The following BROX variants were observed in gnomAD, a reference collection of about 807,000 sequenced individuals.
BROX encodes BRO1 domain and CAAX motif containing, also known as BRO1 domain-containing protein BROX.
A neutral mutation model predicts 61.0 loss-of-function variants in BROX; 53 were observed. The observed-to-expected ratio is 0.87, with a 90% CI of 0.70 to 1.09. BROX has a LOEUF of 1.09. Ranked by LOEUF, BROX falls within the 50% of genes least tolerant of loss-of-function variation. BROX has a pLI of 0.00. For synonymous variants in BROX, 152 were observed against 160.2 expected, an observed-to-expected ratio of 0.95 and a Z score of 0.38; for missense variants, 489 against 472.0, an observed-to-expected ratio of 1.04 and a Z score of -0.33.
intron 4 of BROX, among the ~76,000 whole-genome samples, chr1:222,719,663 G>A (rs185791396): frequency 2.0e-5 from 3 of 152,268 alleles, no homozygotes; most frequent in Admixed American, 2.0e-4. Flanking sequence ...CTGACATTCC[G>A]TATGTGCCTA....
intron 8 of BROX, 143 bp from the exon 9 acceptor site, chr1:222,728,600 A>G (rs952036467): frequency 5.2e-5 from 25 of 478,116 alleles, no homozygotes; most frequent in Middle Eastern, 5.8e-4. Context: ...AATCAAGTAA[A>G]GGTGTTTTTA....
At chr1:222,724,835 C>A (rs911572399) in intron 6 of BROX, among the ~76,000 whole-genome samples, 1 of 152,064 alleles carries the variant, frequency 6.6e-6, no homozygotes, top group African/African-American at 2.4e-5. Context: ...TGCACTGTCG[C>A]CCGGGCTGGA....
In BROX at chr1:222,724,179, C is replaced by A; in HGVS notation, c.474+15C>A. ...AACATTTAAAGGTAAAACAAACAAA[C>A]AAAAACCATTATTTGTTCTTAATGC... On this transcript the variant is annotated intron_variant, in intron 6 of 12. Transcript: ENST00000340934. The A allele has an allele frequency of 6.3e-7, 1 of 1,583,986 alleles. No homozygotes were observed. Among genetic ancestry groups the A allele is most frequent in the Admixed American group, 1.8e-5 (1 of 55,708 alleles).
At chr1:222,717,715 C>T (rs1037526269) in intron 2 of BROX, 2 of 152,216 alleles carry the variant, frequency 1.3e-5, no homozygotes, top group Non-Finnish European at 2.9e-5. Flanking sequence ...CAATAAGACT[C>T]AAGGGATATA....
At chr1:222,724,540 T>C (rs1051464876) in intron 6 of BROX, among the ~76,000 whole-genome samples, 3 of 152,146 alleles carry the variant, frequency 2.0e-5, no homozygotes, top group Admixed American at 6.5e-5. Flanking sequence ...AACTTCTGAG[T>C]GTATGCTCTG....
chr1:222,726,599 C>T lies in BROX; in HGVS notation c.581-569C>T, dbSNP rs565639830. Among the ~76,000 whole-genome samples, 60 of 152,270 alleles carry T rather than the reference C, an allele frequency of 3.9e-4. No homozygotes were observed. In the South Asian group the frequency reaches 0.012, roughly 31 times the overall value. On this transcript the variant is annotated intron_variant, in intron 7 of 12. Transcript: ENST00000340934. Reference sequence around the variant, plus strand: ...GGGCATGGTGGCGTATGCCTGCAATCCCAGCTACTCAGGAGGCTGAGGCAG... The same window carrying T: ...GGGCATGGTGGCGTATGCCTGCAATTCCAGCTACTCAGGAGGCTGAGGCAG...
chr1:222,728,452 A>G (rs1160311779), intron 8 of BROX, among the ~76,000 whole-genome samples: 1 of 152,132 alleles, frequency 6.6e-6, no homozygotes, highest in African/African-American at 2.4e-5. Context: ...TAACGGTATA[A>G]ACAGTATTCA....
chr1:222,724,480 C>T lies in BROX; in HGVS notation c.474+316C>T, dbSNP rs536714286. 9.8e-5 allele frequency among the ~76,000 whole-genome samples: 15 copies of T among 152,296 alleles called. No homozygotes were observed. The South Asian group carries it at 2.9e-3, about 29-fold the overall frequency. On this transcript the variant is annotated intron_variant, in intron 6 of 12. Coordinates refer to ENST00000340934, the MANE Select transcript of BROX (RefSeq NM_144695.4). Reference sequence around the variant, plus strand: ...AAGTATTGATGGTTCTTACCTACCTCATTGCTCTCCACAGAAGTTACCAGG... The same window carrying T: ...AAGTATTGATGGTTCTTACCTACCTTATTGCTCTCCACAGAAGTTACCAGG...
chr1:222,713,432 G>T (rs1656234925), intron 1 of BROX: 6 of 985,566 alleles, frequency 6.1e-6, no homozygotes, highest in Non-Finnish European at 7.2e-6. Flanking sequence ...TTCCTCTGGG[G>T]ACTCGGGGCT....
intron 1 of BROX, among the ~76,000 whole-genome samples, chr1:222,714,699 CCCT>C (rs1571957352): frequency 6.6e-6 from 1 of 151,938 alleles, no homozygotes; most frequent in Non-Finnish European, 1.5e-5. Context: ...AGGGGATCCT[CCCT>C]CCTCAGTCTT....
At chr1:222,713,056 G>A in intron 1 of BROX, 114 bp downstream of exon 1, 1 of 1,048,458 alleles carries the variant, frequency 9.5e-7, no homozygotes, top group South Asian at 2.7e-5. Flanking sequence ...CCTGGACAGT[G>A]GACCAAAAGT....
rs376837737 is a variant in BROX, at chr1:222,729,633, A to T, written c.770A>T (p.His257Leu). ...CFYTAYAYCY[H>L]GETLLASDKC... ...TTATTTCATCAGGCTTACTGTTACC[A>T]TGGTGAGACTTTATTGGCTAGTGAT... The change falls in exon 10 of 13, where the codon CAT (histidine) becomes CTT (leucine). Residue 257 changes from histidine to leucine, a missense_variant. His to Leu is a moderately conservative substitution (Grantham distance 99). Coordinates refer to ENST00000340934, the MANE Select transcript of BROX (RefSeq NM_144695.4). 3 of 1,613,000 alleles carry T rather than the reference A, an allele frequency of 1.9e-6. No homozygotes were observed. Among genetic ancestry groups the T allele is most frequent in the East Asian group, 4.5e-5 (2 of 44,794 alleles).
rs1183840691 is a variant in BROX, at chr1:222,734,172, TCTC to T, written c.*1461_*1463del. 1 of 152,210 alleles carries T rather than the reference TCTC, an allele frequency of 6.6e-6. No homozygotes were observed. Among genetic ancestry groups the T allele is most frequent in the African/African-American group, 2.4e-5 (1 of 41,454 alleles). 9.4% of individuals were successfully genotyped at this position (152,210 alleles called of 1,614,324 possible). A position where few individuals can be genotyped will look rare whatever the true frequency, so the allele number is the denominator to read the frequency against. On this transcript the variant is annotated 3_prime_UTR_variant, in exon 13 of 13. Coordinates refer to ENST00000340934, the MANE Select transcript of BROX (RefSeq NM_144695.4). Reference sequence around the variant, plus strand: ...ATCTGTAGGTTTATCTTTTGATTATTCTCCTGAGGCATTAGATAGTTTTTCTAT... The same window carrying T: ...ATCTGTAGGTTTATCTTTTGATTATTCTGAGGCATTAGATAGTTTTTCTAT...
chr1:222,726,483 G>A (rs553659708), intron 7 of BROX, among the ~76,000 whole-genome samples: 8 of 152,238 alleles, frequency 5.3e-5, no homozygotes, highest in Non-Finnish European at 7.4e-5. Flanking sequence ...TTGGGTGGCC[G>A]AGGCAGGCAG....
rs914086597 is a variant in BROX at position 222,728,765 on chromosome 1, G to A, written c.693G>A (p.Glu231=). 2.5e-6 allele frequency: 4 copies of A among 1,601,810 alleles called. No homozygotes were observed. Among genetic ancestry groups the A allele is most frequent in the Non-Finnish European group, 1.7e-6 (2 of 1,171,160 alleles). ...QKADHTLSSL[E]PAYSAKWRKY... ...TAGATCATACTTTATCCAGTTTGGAGCCTGCATATTCTGCCAAATGGAGAA... is the reference window on the plus strand; with the variant it reads ...TAGATCATACTTTATCCAGTTTGGAACCTGCATATTCTGCCAAATGGAGAA... Residue 231 remains glutamate (E), a synonymous_variant, in exon 9 of 13, where the codon GAG becomes GAA. Coordinates refer to ENST00000340934, the MANE Select transcript of BROX (RefSeq NM_144695.4).
chr1:222,724,097 C>T lies in BROX; in HGVS notation c.407C>T (p.Thr136Ile). 3.7e-6 allele frequency: 6 copies of T among 1,608,106 alleles called. No individual in the cohort carries two copies. Among genetic ancestry groups the T allele is most frequent in the Non-Finnish European group, 5.1e-6 (6 of 1,176,876 alleles). Residue 136 changes from threonine to isoleucine, a missense_variant, in exon 6 of 13, where the codon ACA becomes ATA. Coordinates refer to ENST00000340934, the MANE Select transcript of BROX (RefSeq NM_144695.4). The part of the protein sequence containing the change: ...ASRLAGKENI[T>I]EDEAKEVHRS... ...ATGTAACCCCTATCTTTAAGTATAA[C>T]AGAAGATGAAGCAAAAGAAGTTCAT...
intron 2 of BROX, among the ~76,000 whole-genome samples, chr1:222,717,058 A>G (rs1044062562): frequency 9.9e-5 from 15 of 152,236 alleles, no homozygotes; most frequent in Admixed American, 3.9e-4. Flanking sequence ...AACAAAAGAT[A>G]GGATAATTGG....
chr1:222,712,597 T>G lies in BROX; in HGVS notation c.-362T>G, dbSNP rs535052270. On this transcript the variant is annotated 5_prime_UTR_variant, in exon 1 of 13. Transcript: ENST00000340934. ...GAGGGCCGCCATCGCTATTGCGGCA[T>G]TCTCCCTCGGCTCCGGAGGTAGGGG... The G allele has an allele frequency of 5.6e-5, 76 of 1,351,620 alleles. 1 individual carries two copies. The South Asian group carries it at 9.9e-4, about 18-fold the overall frequency. 83.7% of individuals were successfully genotyped at this position (1,351,620 alleles called of 1,614,324 possible). A position where few individuals can be genotyped will look rare whatever the true frequency, so the allele number is the denominator to read the frequency against.
At chr1:222,713,502 CA>C in intron 1 of BROX, 1 of 924,302 alleles carries the variant, frequency 1.1e-6, no homozygotes, top group African/African-American at 1.8e-5. Context: ...TGTTAGCTTA[CA>C]GCTTCGATCC....
Sources: gnomAD v4.1 joint callset for allele counts (sites outside exome capture counted in the v4.1 genomes callset) on GRCh38, gnomAD v4.1.1 for gene constraint, MANE v1.5 for transcripts, NCBI Gene and HGNC (gene_info 2026-07-23, HGNC 2026-07-21) for gene names.